The following FOXP2 variants were observed in gnomAD, a reference collection of about 807,000 sequenced individuals.
FOXP2 encodes the protein forkhead box protein P2.
In FOXP2, 12 loss-of-function variants were observed where a neutral mutation model predicts 115.8. The observed-to-expected ratio is 0.10, with a 90% CI of 0.07 to 0.17. FOXP2 has a LOEUF of 0.17. FOXP2 is among the 10% of genes least tolerant of loss of function. The pLI is 1.00. For synonymous variants in FOXP2, 328 were observed against 297.7 expected (o/e 1.10, Z -1.05); for missense variants, 629 against 843.5 (o/e 0.75, Z 3.15).
intron 1 of FOXP2, among the ~76,000 whole-genome samples, chr7:114,122,591 A>G (rs1446897197): frequency 1.3e-5 from 2 of 151,028 alleles, no homozygotes; most frequent in Non-Finnish European, 3.0e-5. Flanking sequence ...TGTTTTACCC[A>G]TCTTTGGGGT....
intron 2 of FOXP2, among the ~76,000 whole-genome samples, chr7:114,438,952 G>A (rs947237741): frequency 6.6e-6 from 1 of 152,162 alleles, no homozygotes; most frequent in Non-Finnish European, 1.5e-5. Flanking sequence ...GATCTGAGAA[G>A]ACATTGTTAG....
At chr7:114,644,028 G>C (rs1805732701) in intron 7 of FOXP2, among the ~76,000 whole-genome samples, 1 of 152,136 alleles carries the variant, frequency 6.6e-6, no homozygotes, top group South Asian at 2.1e-4. Flanking sequence ...TTAGTATAAA[G>C]TGGTATGCTC....
chr7:114,499,229 G>T (rs1362379844), intron 2 of FOXP2: 2 of 311,282 alleles, frequency 6.4e-6, no homozygotes, highest in Non-Finnish European at 1.2e-5. Context: ...TGATTATGGA[G>T]GATTGCATGC....
intron 2 of FOXP2, among the ~76,000 whole-genome samples, chr7:114,396,455 TAG>T (rs1162815329): frequency 6.6e-6 from 1 of 152,146 alleles, no homozygotes; most frequent in Non-Finnish European, 1.5e-5. Flanking sequence ...GCAATAAACA[TAG>T]GAGTGCACAT....
At chr7:114,452,303 A>G (rs1261412415) in intron 2 of FOXP2, among the ~76,000 whole-genome samples, 6 of 151,990 alleles carry the variant, frequency 3.9e-5, no homozygotes, top group East Asian at 1.9e-4. Flanking sequence ...TAAGTGACAC[A>G]CTGGATTAGC....
intron 2 of FOXP2, among the ~76,000 whole-genome samples, chr7:114,347,617 CA>C (rs1453826903): frequency 6.6e-6 from 1 of 151,946 alleles, no homozygotes; most frequent in African/African-American, 2.4e-5. Context: ...AAATATCTGA[CA>C]AACTTATAGA....
chr7:114,404,119 C>T (rs891148098), intron 2 of FOXP2, among the ~76,000 whole-genome samples: 2 of 151,868 alleles, frequency 1.3e-5, no homozygotes, highest in African/African-American at 4.8e-5. Flanking sequence ...GGTAGAGGTG[C>T]AATTGGGATG....
At chr7:114,325,773 T>G (rs905663802) in intron 2 of FOXP2, among the ~76,000 whole-genome samples, 1 of 152,072 alleles carries the variant, frequency 6.6e-6, no homozygotes, top group Admixed American at 6.6e-5. Flanking sequence ...GGCTTCCATC[T>G]ATCTTTGATG....
intron 2 of FOXP2, among the ~76,000 whole-genome samples, chr7:114,325,823 A>G (rs1797541588): frequency 6.6e-6 from 1 of 152,030 alleles, no homozygotes; most frequent in Admixed American, 6.6e-5. Flanking sequence ...ATATTCAGTT[A>G]TCTTATGAAT....
At chr7:114,403,828 G>T (rs1792951503) in intron 2 of FOXP2, among the ~76,000 whole-genome samples, 1 of 152,122 alleles carries the variant, frequency 6.6e-6, no homozygotes, top group Admixed American at 6.5e-5. Context: ...AGATATACAA[G>T]AAAAGATTAA....
chr7:114,240,943 TTGA>T (rs1329657677), intron 1 of FOXP2, among the ~76,000 whole-genome samples: 1 of 152,092 alleles, frequency 6.6e-6, no homozygotes, highest in Non-Finnish European at 1.5e-5. Flanking sequence ...CAGTGAGTTG[TTGA>T]TAACACTTTT....
chr7:114,418,753 T>G (rs1793467424), intron 1 of FOXP2, among the ~76,000 whole-genome samples: 1 of 151,796 alleles, frequency 6.6e-6, no homozygotes, highest in Non-Finnish European at 1.5e-5. Flanking sequence ...CAGGCGTATA[T>G]CTTTCATGTT....
intron 1 of FOXP2, among the ~76,000 whole-genome samples, chr7:114,106,152 G>A (rs1019976630): frequency 3.9e-5 from 6 of 152,044 alleles, no homozygotes; most frequent in African/African-American, 9.7e-5. Context: ...TCCTTGCTGC[G>A]TGACCTTGGG....
At chr7:114,451,078 AATGTTT>A (rs1442017702) in intron 2 of FOXP2, among the ~76,000 whole-genome samples, 3 of 152,208 alleles carry the variant, frequency 2.0e-5, no homozygotes, top group African/African-American at 7.2e-5. Flanking sequence ...ATCATCAACT[AATGTTT>A]TTTATAGTGT....
chr7:114,303,345 T>C (rs1796922031), intron 2 of FOXP2, among the ~76,000 whole-genome samples: 1 of 152,164 alleles, frequency 6.6e-6, no homozygotes, highest in Non-Finnish European at 1.5e-5. Flanking sequence ...TGGGAAAATT[T>C]TAAGACATGT....
intron 1 of FOXP2, among the ~76,000 whole-genome samples, chr7:114,172,216 A>G (rs1793164186): frequency 6.6e-6 from 1 of 152,212 alleles, no homozygotes; most frequent in Non-Finnish European, 1.5e-5. Flanking sequence ...CAAAGAATTT[A>G]TGTGACTTGC....
intron 8 of FOXP2, among the ~76,000 whole-genome samples, chr7:114,646,566 C>T (rs1223366538): frequency 6.6e-6 from 1 of 151,940 alleles, no homozygotes; most frequent in African/African-American, 2.4e-5. Flanking sequence ...TTTTTCCAAC[C>T]CATTAACTTT....
chr7:114,285,855 A>G (rs1288484026), intron 1 of FOXP2, among the ~76,000 whole-genome samples: 1 of 151,930 alleles, frequency 6.6e-6, no homozygotes, highest in Admixed American at 6.6e-5. Flanking sequence ...AACCAGTATT[A>G]ATTCCTCATT....
chr7:114,689,119 G>T (rs1451078487), intron 16 of FOXP2, among the ~76,000 whole-genome samples: 1 of 152,078 alleles, frequency 6.6e-6, no homozygotes, highest in South Asian at 2.1e-4. Flanking sequence ...CGTTGTTTAA[G>T]TTTCTATAAT....
Sources: allele counts gnomAD v4.1 joint callset (sites outside exome capture counted in the v4.1 genomes callset), GRCh38; gene constraint gnomAD v4.1.1; transcripts MANE v1.5; gene names NCBI Gene and HGNC (gene_info 2026-07-23, HGNC 2026-07-21).